Variants in RICTOR observed in about 807,000 individuals in gnomAD.
RICTOR encodes the protein RPTOR independent companion of MTOR complex 2, also known as rapamycin-insensitive companion of mTOR.
RICTOR carries 49 observed loss-of-function variants against 214.9 expected under a neutral mutation model. The observed-to-expected ratio is 0.23, with a 90% CI of 0.18 to 0.29. RICTOR has a LOEUF of 0.29. RICTOR is among the 10% of genes least tolerant of loss of function. The pLI, the probability that RICTOR is intolerant of heterozygous loss-of-function variation, is 1.00. For missense variants in RICTOR, 1,625 were observed against 2,047.0 expected, an observed-to-expected ratio of 0.79 and a Z score of 3.98; for synonymous variants, 717 against 711.3, an observed-to-expected ratio of 1.01 and a Z score of -0.13.
At position 38,957,541 on chromosome 5, in the gene RICTOR, T is replaced by A. The variant is rs41271101; in HGVS notation, c.2499+111A>T. 5.1e-3 allele frequency: 3,462 copies of A among 684,864 alleles called. 22 individuals carry two copies. The highest frequency in any genetic ancestry group is 6.7e-3 in the Non-Finnish European group (2,574 of 384,686). 42.4% of individuals were successfully genotyped at this position (684,864 alleles called of 1,614,324 possible). On this transcript the variant is annotated intron_variant, in intron 25 of 37. Transcript: ENST00000357387. ...AACTTGATATTGATGTTTAAATATT[T>A]AACCTTATTAATTTCAAAACACTGA...
At chr5:38,942,460 T>C in intron 37 of RICTOR, 82 bp from the exon 38 acceptor site, 1 of 756,190 alleles carries the variant, frequency 1.3e-6, no homozygotes, top group Non-Finnish European at 2.0e-6. Flanking sequence ...TAATTTTTTT[T>C]TTTTTTTGAG....
chr5:39,039,300 T>G (rs1756987660), intron 2 of RICTOR, among the ~76,000 whole-genome samples: 1 of 152,102 alleles, frequency 6.6e-6, no homozygotes, highest in Non-Finnish European at 1.5e-5. Flanking sequence ...CCTTACACCT[T>G]ATACAAAAAT....
rs767005490 is a variant in RICTOR at position 38,940,714 on chromosome 5, T to C, written c.*1590A>G. 2 of 232,530 alleles carry C rather than the reference T, an allele frequency of 8.6e-6. No homozygotes were observed. The highest frequency in any genetic ancestry group is 1.7e-5 in the Non-Finnish European group (2 of 117,436). 14.4% of individuals were successfully genotyped at this position (232,530 alleles called of 1,614,324 possible). A position where few individuals can be genotyped will look rare whatever the true frequency, so the allele number is the denominator to read the frequency against. On this transcript the variant is annotated 3_prime_UTR_variant, in exon 38 of 38. Coordinates refer to ENST00000357387, the MANE Select transcript of RICTOR (RefSeq NM_152756.5). ...CTGAAGTGCAGTCAAAGAGGTGTTA[T>C]GAAGTGAGATGAAATGCTTCATCCC...
intron 10 of RICTOR, among the ~76,000 whole-genome samples, chr5:38,973,291 T>A (rs1750937732): frequency 6.6e-6 from 1 of 152,122 alleles, no homozygotes. Context: ...CGACAACAAA[T>A]CAGGACCATA....
chr5:39,011,019 C>A (rs1042113424), intron 3 of RICTOR, among the ~76,000 whole-genome samples: 2 of 152,136 alleles, frequency 1.3e-5, no homozygotes, highest in African/African-American at 4.8e-5. Context: ...ATCACCAAGA[C>A]AATAGGGAAA....
chr5:39,056,911 A>T (rs1304603832), intron 2 of RICTOR, among the ~76,000 whole-genome samples: 1 of 152,186 alleles, frequency 6.6e-6, no homozygotes, highest in Non-Finnish European at 1.5e-5. Flanking sequence ...ACAGTTAGGA[A>T]ATGAGAATGG....
In RICTOR at chr5:39,040,479, A is replaced by T. The variant is rs181449662; in HGVS notation, c.98-19343T>A. Among the ~76,000 whole-genome samples, 55 of 152,324 alleles carry T rather than the reference A, an allele frequency of 3.6e-4. No homozygotes were observed. In the East Asian group the frequency reaches 7.1e-3, roughly 20 times the overall value. ...CTTAAAGTATAACAATCATAAAATT[A>T]AAAAAGTTGTATAATTTTAATAATT... On this transcript the variant is annotated intron_variant, in intron 2 of 37. Transcript: ENST00000357387.
At chr5:39,012,691 TAAG>T (rs1754629899) in intron 3 of RICTOR, among the ~76,000 whole-genome samples, 1 of 152,194 alleles carries the variant, frequency 6.6e-6, no homozygotes, top group Non-Finnish European at 1.5e-5. Context: ...TATTATATAT[TAAG>T]AACAAATCAT....
intron 5 of RICTOR, among the ~76,000 whole-genome samples, chr5:38,998,174 G>A (rs764405395): frequency 3.9e-5 from 6 of 152,230 alleles, no homozygotes; most frequent in Non-Finnish European, 8.8e-5. Context: ...CAGAATCAGT[G>A]TAATAAACCA....
rs562484442 is a variant in RICTOR at position 39,037,621 on chromosome 5, A to T, written c.98-16485T>A. Among the ~76,000 whole-genome samples, 81 of 152,364 alleles carry T rather than the reference A, an allele frequency of 5.3e-4. 1 individual carries two copies. In the South Asian group the frequency reaches 0.015, roughly 28 times the overall value. ...GAAGAATCAAATAGACGCAATAAAA[A>T]ATGACAAAGGGGGTATCACCACCAA... is the stretch of plus-strand genomic sequence containing the variant. On this transcript the variant is annotated intron_variant, in intron 2 of 37. Transcript: ENST00000357387.
chr5:39,004,357 A>G (rs1753859044), intron 3 of RICTOR, among the ~76,000 whole-genome samples: 1 of 151,278 alleles, frequency 6.6e-6, no homozygotes, highest in African/African-American at 2.4e-5. Flanking sequence ...GTTAGCTGCT[A>G]TTTTCCTCCA....
chr5:38,949,158 T>C (rs2112840621), intron 31 of RICTOR, among the ~76,000 whole-genome samples: 1 of 152,202 alleles, frequency 6.6e-6, no homozygotes, highest in Admixed American at 6.6e-5. Flanking sequence ...CTGTTCACTT[T>C]GACTAGCTTG....
At chr5:38,958,587 C>A (rs1464420482) in intron 23 of RICTOR, 68 bp from the exon 24 acceptor site, 1 of 1,506,050 alleles carries the variant, frequency 6.6e-7, no homozygotes, top group South Asian at 1.2e-5. Context: ...TCCAAAATGC[C>A]TATTATATAC....
chr5:38,946,605 T>G (rs769008839), intron 32 of RICTOR, 53 bp from the exon 33 acceptor site: 44 of 1,092,874 alleles, frequency 4.0e-5, no homozygotes, highest in Non-Finnish European at 6.0e-5. Context: ...AAGCCCACTT[T>G]ATGAAAATTA....
chr5:39,030,441 T>TA (rs1260263050), intron 2 of RICTOR, among the ~76,000 whole-genome samples: 2 of 152,156 alleles, frequency 1.3e-5, no homozygotes, highest in Non-Finnish European at 2.9e-5. Context: ...CCTCAATTCT[T>TA]ATTCACTATC....
At chr5:39,015,341 G>T (rs1481807346) in intron 3 of RICTOR, among the ~76,000 whole-genome samples, 1 of 152,046 alleles carries the variant, frequency 6.6e-6, no homozygotes, top group Non-Finnish European at 1.5e-5. Context: ...TATAAACCCA[G>T]GTCTCTAACA....
At chr5:39,016,503 C>T (rs897151230) in intron 3 of RICTOR, among the ~76,000 whole-genome samples, 2 of 150,712 alleles carry the variant, frequency 1.3e-5, no homozygotes, top group Admixed American at 1.3e-4. Flanking sequence ...GGAGGTGGAG[C>T]GAATAACTTA....
intron 23 of RICTOR, 60 bp from the exon 24 acceptor site, chr5:38,958,579 C>A: frequency 6.6e-7 from 1 of 1,525,446 alleles, no homozygotes; most frequent in Non-Finnish European, 9.0e-7. Flanking sequence ...TTTTTAGTTC[C>A]AAAATGCCTA....
intron 2 of RICTOR, among the ~76,000 whole-genome samples, chr5:39,050,213 T>A (rs1447094262): frequency 6.6e-6 from 1 of 150,898 alleles, no homozygotes; most frequent in African/African-American, 2.4e-5. Context: ...TATATATATA[T>A]AAAGTATGCT....
Sources: gnomAD v4.1 joint callset for allele counts (sites outside exome capture counted in the v4.1 genomes callset) on GRCh38, gnomAD v4.1.1 for gene constraint, MANE v1.5 for transcripts, NCBI Gene and HGNC (gene_info 2026-07-23, HGNC 2026-07-21) for gene names.